SH3GL1: variants seen among roughly 807,000 people sequenced by gnomAD.
The protein encoded by SH3GL1 is SH3 domain containing GRB2 like 1, endophilin A2.
Under a neutral mutation model 48.8 loss-of-function variants are expected in SH3GL1, and 21 were observed. The observed-to-expected ratio is 0.43, with a 90% CI of 0.30 to 0.62. The LOEUF (loss-of-function observed/expected upper bound fraction) is 0.62, where lower values mean the gene tolerates loss of function less well. Among genes scored for constraint, SH3GL1 ranks in the 20% least tolerant of loss-of-function variants. SH3GL1 has a pLI of 0.11. For missense variants in SH3GL1, 454 were observed against 503.0 expected (o/e 0.90, Z 0.93); for synonymous variants, 282 against 217.5 (o/e 1.30, Z -2.61).
chr19:4,387,258 G>A (rs528662646), intron 1 of SH3GL1, among the ~76,000 whole-genome samples: 1 of 151,886 alleles, frequency 6.6e-6, no homozygotes, highest in South Asian at 2.1e-4. Flanking sequence ...TTCTTATTCT[G>A]GCAAGAAGGA....
At chr19:4,387,211 C>A (rs1394003152) in intron 1 of SH3GL1, among the ~76,000 whole-genome samples, 2 of 152,228 alleles carry the variant, frequency 1.3e-5, no homozygotes, top group Non-Finnish European at 2.9e-5. Flanking sequence ...GCTGGGATTA[C>A]AGGCATGAGC....
chr19:4,368,318 G>C (rs1972825795), intron 1 of SH3GL1, among the ~76,000 whole-genome samples: 1 of 152,246 alleles, frequency 6.6e-6, no homozygotes, highest in Non-Finnish European at 1.5e-5. Flanking sequence ...TTAGGACCCA[G>C]CCTGGGAGGA....
intron 1 of SH3GL1, among the ~76,000 whole-genome samples, chr19:4,384,346 A>G (rs554913656): frequency 2.4e-4 from 37 of 152,340 alleles, no homozygotes; most frequent in African/African-American, 8.4e-4. Flanking sequence ...CACATACAGC[A>G]CGGTGGAGGA....
intron 1 of SH3GL1, among the ~76,000 whole-genome samples, chr19:4,368,907 T>C (rs942827281): frequency 3.3e-5 from 5 of 151,964 alleles, no homozygotes; most frequent in Non-Finnish European, 7.4e-5. Flanking sequence ...CCGTCTCTAC[T>C]AAAAATACAA....
At chr19:4,377,934 G>T (rs1305995925) in intron 1 of SH3GL1, among the ~76,000 whole-genome samples, 1 of 152,180 alleles carries the variant, frequency 6.6e-6, no homozygotes, top group Non-Finnish European at 1.5e-5. Context: ...GATTCTGGCG[G>T]GTGCAGCCTG....
At chr19:4,384,419 C>T (rs780897640) in intron 1 of SH3GL1, among the ~76,000 whole-genome samples, 4 of 152,210 alleles carry the variant, frequency 2.6e-5, no homozygotes, top group Admixed American at 6.5e-5. Context: ...CGGTCCAGGA[C>T]TTTCGGTCAT....
At chr19:4,391,085 G>A (rs986102609) in intron 1 of SH3GL1, among the ~76,000 whole-genome samples, 13 of 152,152 alleles carry the variant, frequency 8.5e-5, no homozygotes, top group Admixed American at 3.9e-4. Context: ...TGAGCGGGAC[G>A]GGCCTCAACC....
At position 4,400,237 on chromosome 19, in the gene SH3GL1, GC is replaced by G. The variant is rs1231247132; in HGVS notation, c.45+86del. On this transcript the variant is annotated intron_variant, in intron 1 of 9. Transcript: ENST00000269886. The surrounding 1 kb of genome is among the most constrained non-coding windows in gnomAD (Gnocchi z 4.1). ...CAACGTCCCCACCTCGGTCCCCCCG[GC>G]CCCCTCCCGGGCCAGGTCGGGCCTG... The G allele has an allele frequency of 1.3e-5, 18 of 1,431,092 alleles. No homozygotes were observed. Among genetic ancestry groups the G allele is most frequent in the Non-Finnish European group, 1.6e-5 (17 of 1,057,210 alleles). 88.6% of individuals were successfully genotyped at this position (1,431,092 alleles called of 1,614,324 possible).
chr19:4,363,561 G>T, intron 6 of SH3GL1, 88 bp from the exon 7 acceptor site: 2 of 1,462,908 alleles, frequency 1.4e-6, no homozygotes, highest in Non-Finnish European at 1.9e-6. Flanking sequence ...CAGGAGGCAA[G>T]GGGGCTGAGA....
At chr19:4,387,128 C>T (rs62129351) in intron 1 of SH3GL1, among the ~76,000 whole-genome samples, 27,536 of 151,966 alleles carry the variant, frequency 0.18, 2,998 homozygotes, top group Admixed American at 0.26. Context: ...AGCAGAGACA[C>T]GGTTTCACCG....
intron 1 of SH3GL1, among the ~76,000 whole-genome samples, chr19:4,378,666 G>C (rs1973060538): frequency 6.6e-6 from 1 of 152,228 alleles, no homozygotes; most frequent in African/African-American, 2.4e-5. Context: ...GGTGAGCTGA[G>C]ATCGCGCCAT....
rs370770846 is a variant in SH3GL1 at position 4,385,207 on chromosome 19, G to A, written c.45+15117C>T. On this transcript the variant is annotated intron_variant, in intron 1 of 9. Coordinates refer to ENST00000269886, the MANE Select transcript of SH3GL1 (RefSeq NM_003025.4). ...ACAACCCTGCGTGTTTTGGCGCAGT[G>A]AACGTGCGCAGTGAAGGCACGCCGG... is the stretch of plus-strand genomic sequence containing the variant. Among the ~76,000 whole-genome samples, 34 of 152,312 alleles carry A rather than the reference G, an allele frequency of 2.2e-4. No homozygotes were observed. In the South Asian group the frequency reaches 5.4e-3, roughly 24 times the overall value.
intron 1 of SH3GL1, among the ~76,000 whole-genome samples, chr19:4,381,286 CCT>C (rs1265168434): frequency 3.7e-5 from 4 of 107,352 alleles, no homozygotes; most frequent in Admixed American, 2.0e-4. Context: ...CTCCCGTCTC[CCT>C]CTGTCCCCTC....
intron 7 of SH3GL1, 45 bp downstream of exon 7, chr19:4,363,325 C>A: frequency 6.9e-7 from 1 of 1,449,988 alleles, no homozygotes; most frequent in Non-Finnish European, 9.5e-7. Flanking sequence ...TGGCAGAGGG[C>A]GCATGGCAGC....
intron 4 of SH3GL1, 82 bp downstream of exon 4, chr19:4,365,399 AT>A: frequency 6.4e-7 from 1 of 1,572,942 alleles, no homozygotes; most frequent in Non-Finnish European, 8.7e-7. Context: ...CACTCAGCAC[AT>A]GCAGGGCCTG....
intron 1 of SH3GL1, among the ~76,000 whole-genome samples, chr19:4,378,314 A>C (rs897512109): frequency 6.6e-6 from 1 of 152,044 alleles, no homozygotes; most frequent in Non-Finnish European, 1.5e-5. Context: ...CCGGGACTGG[A>C]TGTGGTTCCA....
intron 1 of SH3GL1, among the ~76,000 whole-genome samples, chr19:4,386,360 C>A (rs1208720504): frequency 1.3e-5 from 2 of 152,178 alleles, no homozygotes; most frequent in Non-Finnish European, 1.5e-5. Flanking sequence ...GGGCAAAGTC[C>A]CGAAATGACA....
intron 3 of SH3GL1, 115 bp downstream of exon 3, chr19:4,366,386 G>A: frequency 1.3e-6 from 1 of 792,418 alleles, no homozygotes. Context: ...CCGGGATCCA[G>A]CTGTGCCTGA....
In SH3GL1 at chr19:4,397,194, T is replaced by C. The variant is rs142051832; in HGVS notation, c.45+3130A>G. 4.5e-4 allele frequency among the ~76,000 whole-genome samples: 68 copies of C among 152,268 alleles called. 1 individual carries two copies. The highest frequency in any genetic ancestry group is 1.6e-3 in the African/African-American group (68 of 41,550). On this transcript the variant is annotated intron_variant, in intron 1 of 9. Transcript: ENST00000269886. ...CCATGGCAATGATCACAGAAGAGCA[T>C]GGAACGCAGCCAGGGTGACTTCTAA...
Sources: allele counts gnomAD v4.1 joint callset (sites outside exome capture counted in the v4.1 genomes callset), GRCh38; gene constraint gnomAD v4.1.1; non-coding constraint Gnocchi (gnomAD v3.1); transcripts MANE v1.5; gene names NCBI Gene and HGNC (gene_info 2026-07-23, HGNC 2026-07-21).